Variants in LRP1B observed in about 807,000 individuals in gnomAD.
The protein encoded by LRP1B is LDL receptor related protein 1B.
A neutral mutation model predicts 556.6 loss-of-function variants in LRP1B; 217 were observed. The observed-to-expected ratio is 0.39, with a 90% CI of 0.35 to 0.44. The LOEUF (loss-of-function observed/expected upper bound fraction) is 0.44. Among genes scored for constraint, LRP1B ranks in the 20% least tolerant of loss-of-function variants. The probability of loss-of-function intolerance (pLI) is 1.00; values close to 1 mark genes in which losing one functional copy is unlikely to be tolerated. For synonymous variants in LRP1B, 2,047 were observed against 1,865.8 expected (o/e 1.10, Z -2.50); for missense variants, 5,053 against 5,620.8 (o/e 0.90, Z 3.23).
At chr2:141,651,040 C>T (rs1437352) in intron 2 of LRP1B, among the ~76,000 whole-genome samples, 91,908 of 151,988 alleles carry the variant, frequency 0.6, 28,138 homozygotes, top group African/African-American at 0.7. Context: ...CTTATCCATG[C>T]CGGACTTTAC....
intron 3 of LRP1B, among the ~76,000 whole-genome samples, chr2:141,421,299 T>C (rs983023035): frequency 1.3e-5 from 2 of 152,142 alleles, no homozygotes; most frequent in South Asian, 2.1e-4. Context: ...GAGCCCGAGG[T>C]GGGCGGATCA....
chr2:140,608,986 TAC>T (rs1346882153), intron 41 of LRP1B, among the ~76,000 whole-genome samples: 18 of 152,210 alleles, frequency 1.2e-4, no homozygotes, highest in African/African-American at 3.1e-4. Flanking sequence ...ATGTCACTAC[TAC>T]TGGAAGGAAA....
At chr2:141,644,904 T>C (rs776924785) in intron 2 of LRP1B, among the ~76,000 whole-genome samples, 2 of 151,948 alleles carry the variant, frequency 1.3e-5, no homozygotes, top group Non-Finnish European at 2.9e-5. Flanking sequence ...TATTTAGCAA[T>C]AGTATTAATT....
chr2:141,956,838 C>T (rs558546079), intron 1 of LRP1B, among the ~76,000 whole-genome samples: 5 of 152,014 alleles, frequency 3.3e-5, no homozygotes, highest in African/African-American at 1.2e-4. Context: ...CTTTTCAGTT[C>T]TCAGCATAAA....
At chr2:141,636,419 A>T (rs1472606531) in intron 2 of LRP1B, among the ~76,000 whole-genome samples, 1 of 152,210 alleles carries the variant, frequency 6.6e-6, no homozygotes, top group Admixed American at 6.6e-5. Context: ...TGAAAATGAG[A>T]TAAATGTTCA....
At chr2:141,867,259 C>T (rs966956628) in intron 1 of LRP1B, among the ~76,000 whole-genome samples, 1 of 151,998 alleles carries the variant, frequency 6.6e-6, no homozygotes, top group African/African-American at 2.4e-5. Context: ...TCTTTGAACA[C>T]TGCCTTTCTA....
At chr2:142,062,449 T>A (rs1481964282) in intron 1 of LRP1B, among the ~76,000 whole-genome samples, 2 of 151,770 alleles carry the variant, frequency 1.3e-5, no homozygotes, top group Admixed American at 1.3e-4. Context: ...ATCCCATTCA[T>A]TTCTAAAAAG....
intron 2 of LRP1B, among the ~76,000 whole-genome samples, chr2:141,601,143 C>G (rs1374962638): frequency 6.6e-6 from 1 of 152,138 alleles, no homozygotes; most frequent in African/African-American, 2.4e-5. Context: ...ACTGCAAAAA[C>G]TCAGGAAGCT....
At chr2:140,490,429 C>T (rs1688651045) in intron 57 of LRP1B, among the ~76,000 whole-genome samples, 1 of 152,018 alleles carries the variant, frequency 6.6e-6, no homozygotes, top group African/African-American at 2.4e-5. Context: ...TGCAATAAAA[C>T]TTTATGAGAT....
intron 2 of LRP1B, among the ~76,000 whole-genome samples, chr2:141,544,311 T>G (rs192579267): frequency 7.5e-3 from 118 of 15,694 alleles, no homozygotes; most frequent in African/African-American, 0.045. Flanking sequence ...CTTCTTCTTC[T>G]TCTTCTTCTT....
chr2:140,238,409 A>T, intron 88 of LRP1B, 113 bp from the exon 89 acceptor site: 1 of 567,718 alleles, frequency 1.8e-6, no homozygotes, highest in Non-Finnish European at 2.9e-6. Flanking sequence ...TGAATAAATG[A>T]CATTTGTCAA....
chr2:140,521,127 G>A (rs1464667548), intron 49 of LRP1B, among the ~76,000 whole-genome samples: 1 of 152,002 alleles, frequency 6.6e-6, no homozygotes, highest in African/African-American at 2.4e-5. Flanking sequence ...AAACATATTT[G>A]ATGGTATAAT....
intron 7 of LRP1B, among the ~76,000 whole-genome samples, chr2:141,153,997 A>T (rs745706613): frequency 1.3e-5 from 2 of 151,820 alleles, no homozygotes; most frequent in Admixed American, 6.6e-5. Flanking sequence ...GTAAAGGTAG[A>T]AATAAATACA....
intron 2 of LRP1B, among the ~76,000 whole-genome samples, chr2:141,534,056 T>TGA (rs574882716): frequency 1.3e-5 from 2 of 151,158 alleles, no homozygotes; most frequent in East Asian, 1.9e-4. Flanking sequence ...AAAGAGAGTG[T>TGA]GAGAGAGAGA....
In LRP1B at chr2:141,931,716, A is replaced by G. The variant is rs950595513; in HGVS notation, c.83-121315T>C. 2.0e-5 allele frequency among the ~76,000 whole-genome samples: 3 copies of G among 152,020 alleles called. 1 individual carries two copies. The highest frequency in any genetic ancestry group is 2.9e-5 in the Non-Finnish European group (2 of 67,970). ...TGTGACTGGATTCTTTCATAAAAGA[A>G]TGGGAATTTGATTTTAATTAAGATG... On this transcript the variant is annotated intron_variant, in intron 1 of 90. Transcript: ENST00000389484.
intron 89 of LRP1B, among the ~76,000 whole-genome samples, chr2:140,235,813 AT>A (rs140110822): frequency 0.046 from 6,946 of 151,168 alleles, 178 homozygotes; most frequent in Middle Eastern, 0.066. Flanking sequence ...TGAGGAAAAA[AT>A]AACCCTCCTT....
chr2:141,187,600 G>GT (rs1401894681), intron 7 of LRP1B, among the ~76,000 whole-genome samples: 1 of 152,024 alleles, frequency 6.6e-6, no homozygotes, highest in Non-Finnish European at 1.5e-5. Flanking sequence ...TTGCCCAGTA[G>GT]TGACTGCTGA....
At chr2:141,350,413 A>G (rs1161810408) in intron 3 of LRP1B, among the ~76,000 whole-genome samples, 1 of 152,010 alleles carries the variant, frequency 6.6e-6, no homozygotes, top group African/African-American at 2.4e-5. Flanking sequence ...CTCAAAGGGA[A>G]GGTTTGAAAG....
At chr2:140,796,175 TAA>T (rs1205566581) in intron 32 of LRP1B, among the ~76,000 whole-genome samples, 1 of 147,292 alleles carries the variant, frequency 6.8e-6, no homozygotes, top group African/African-American at 2.4e-5. Flanking sequence ...TGATTCCAGA[TAA>T]AGTTAAAATT....
Sources: gnomAD v4.1 joint callset for allele counts (sites outside exome capture counted in the v4.1 genomes callset) on GRCh38, gnomAD v4.1.1 for gene constraint, MANE v1.5 for transcripts, NCBI Gene and HGNC (gene_info 2026-07-23, HGNC 2026-07-21) for gene names.